BPIFC: variants seen among roughly 807,000 people sequenced by gnomAD.
BPIFC encodes the protein BPI fold containing family C.
In BPIFC, 60 loss-of-function variants were observed where a neutral mutation model predicts 57.6. The ratio of observed to expected loss-of-function variants is 1.04; its 90% CI spans 0.85 to 1.29. The LOEUF is 1.29. BPIFC is among the 50% of genes most tolerant of loss of function. The pLI, the probability that BPIFC is intolerant of heterozygous loss-of-function variation, is 0.00. For missense variants in BPIFC, 581 were observed against 600.5 expected, an observed-to-expected ratio of 0.97 and a Z score of 0.34; for synonymous variants, 243 against 224.5, an observed-to-expected ratio of 1.08 and a Z score of -0.74.
chr22:32,422,081 C>T (rs1435149495), intron 13 of BPIFC, among the ~76,000 whole-genome samples: 2 of 152,170 alleles, frequency 1.3e-5, no homozygotes, highest in Non-Finnish European at 2.9e-5. Flanking sequence ...ATTGACTAGG[C>T]TCAGTGCCTC....
intron 2 of BPIFC, among the ~76,000 whole-genome samples, chr22:32,459,917 G>A (rs1935128732): frequency 6.6e-6 from 1 of 151,886 alleles, no homozygotes; most frequent in Non-Finnish European, 1.5e-5. Flanking sequence ...TAGAGGGAGG[G>A]GTCAGGCCAG....
chr22:32,462,168 C>CAAAAAAAAAA (rs35716277), intron 1 of BPIFC, among the ~76,000 whole-genome samples: 26 of 53,578 alleles, frequency 4.9e-4, no homozygotes, highest in Admixed American at 9.2e-4. Context: ...GACTCCATCT[C>CAAAAAAAAAA]AAAAAAAAAA....
intron 10 of BPIFC, among the ~76,000 whole-genome samples, chr22:32,435,389 G>T (rs1934359520): frequency 6.6e-6 from 1 of 152,128 alleles, no homozygotes; most frequent in South Asian, 2.1e-4. Flanking sequence ...CAACGGAAAT[G>T]CTTATTGGAG....
intron 8 of BPIFC, among the ~76,000 whole-genome samples, chr22:32,439,410 C>T (rs899064971): frequency 5.3e-5 from 8 of 152,042 alleles, no homozygotes; most frequent in Non-Finnish European, 1.0e-4. Flanking sequence ...GTTTCCCACT[C>T]GGCTTTGGAG....
intron 13 of BPIFC, among the ~76,000 whole-genome samples, chr22:32,421,627 G>A (rs916599343): frequency 5.9e-5 from 9 of 152,118 alleles, no homozygotes; most frequent in Non-Finnish European, 1.3e-4. Flanking sequence ...GAGTACAGAG[G>A]TACTTAATGT....
At chr22:32,434,358 CT>C (rs1934334282) in intron 10 of BPIFC, among the ~76,000 whole-genome samples, 1 of 147,944 alleles carries the variant, frequency 6.8e-6, no homozygotes. Flanking sequence ...ATATTACAAT[CT>C]ATGTGTACAT....
At chr22:32,421,125 C>T (rs573429299) in intron 13 of BPIFC, among the ~76,000 whole-genome samples, 4 of 152,172 alleles carry the variant, frequency 2.6e-5, no homozygotes, top group East Asian at 1.9e-4. Flanking sequence ...TGAGTGACAG[C>T]GTGTCCTGTT....
At position 32,431,436 on chromosome 22, in the gene BPIFC, A is replaced by T; in HGVS notation, c.1150-22T>A. ...CAACCTATAGACAATAAAAGCATTT[A>T]TTATTAAGACGAGTGAGTGTCAATT... is the stretch of plus-strand genomic sequence containing the variant. On this transcript the variant is annotated intron_variant, in intron 12 of 16. Transcript: ENST00000300399. 7.9e-6 allele frequency: 12 copies of T among 1,511,250 alleles called. 1 individual carries two copies. The highest frequency in any genetic ancestry group is 1.1e-5 in the Non-Finnish European group (12 of 1,091,050). 93.6% of individuals were successfully genotyped at this position (1,511,250 alleles called of 1,614,324 possible).
In BPIFC at chr22:32,424,574, T is replaced by TTTCTTCTTCTTCTTCTTC. The variant is rs148930460; in HGVS notation, c.1218-5188_1218-5171dup. On this transcript the variant is annotated intron_variant, in intron 13 of 16. Coordinates refer to ENST00000300399, the MANE Select transcript of BPIFC (RefSeq NM_174932.3). The stretch of plus-strand genomic sequence containing the variant: ...TTCCTAAATCTTAAGTGTTATTTTC[T>TTTCTTCTTCTTCTTCTTC]TTCTTCTTCTTCTTCTTCTTCTTCT... Among the ~76,000 whole-genome samples, 234 of 68,972 alleles carry TTTCTTCTTCTTCTTCTTC rather than the reference T, an allele frequency of 3.4e-3. 44 individuals carry two copies. Among genetic ancestry groups the TTTCTTCTTCTTCTTCTTC allele is most frequent in the Middle Eastern group, 6.9e-3 (1 of 144 alleles). The allele number at this position is 68,972 out of a possible 152,430, so 45.2% of individuals were successfully genotyped here.
rs1175628096 is a variant in BPIFC, at chr22:32,414,089, A to C, written c.*214T>G. ...AACAAACATAAACACAGACACACGC[A>C]GCATGCATACACTCACATTCAGACA... On this transcript the variant is annotated 3_prime_UTR_variant, in exon 17 of 17. Transcript: ENST00000300399. The C allele has an allele frequency of 1.5e-5, 6 of 407,120 alleles. No homozygotes were observed. Among genetic ancestry groups the C allele is most frequent in the Non-Finnish European group, 2.2e-5 (5 of 231,368 alleles). 25.2% of individuals were successfully genotyped at this position (407,120 alleles called of 1,614,324 possible).
intron 7 of BPIFC, among the ~76,000 whole-genome samples, chr22:32,445,407 G>T (rs1263225564): frequency 1.3e-5 from 2 of 151,952 alleles, no homozygotes; most frequent in African/African-American, 2.4e-5. Context: ...CATGGTGGCG[G>T]GCACCTGTAG....
In BPIFC at chr22:32,445,712, T is replaced by TAAAA. The variant is rs752727430; in HGVS notation, c.531-15_531-14insTTTT. ...TTATACAGAACACTGAGGAAAAAAATGAAAAAAAAAAAAAAAAAAAAAAGA... is the reference window on the plus strand; with the variant it reads ...TTATACAGAACACTGAGGAAAAAAATAAAAGAAAAAAAAAAAAAAAAAAAAAAGA... On this transcript the variant is annotated splice_polypyrimidine_tract_variant and intron_variant, in intron 6 of 16. Transcript: ENST00000300399. The TAAAA allele has an allele frequency of 1.0e-4, 17 of 169,598 alleles. No homozygotes were observed. The highest frequency in any genetic ancestry group is 2.4e-4 in the Admixed American group (1 of 4,128). The allele number at this position is 169,598 out of a possible 1,614,324, so 10.5% of individuals were successfully genotyped here.
At chr22:32,461,801 T>C (rs897424533) in intron 1 of BPIFC, 140 bp from the exon 2 acceptor site, 1 of 201,212 alleles carries the variant, frequency 5.0e-6, no homozygotes, top group African/African-American at 2.4e-5. Flanking sequence ...AAAGCAGTCT[T>C]GCTAATATCA....
At chr22:32,419,445 C>A in intron 13 of BPIFC, 41 bp from the exon 14 acceptor site, 1 of 1,570,620 alleles carries the variant, frequency 6.4e-7, no homozygotes, top group East Asian at 2.2e-5. Flanking sequence ...TTGAAAACAA[C>A]AGCCTTAGTA....
chr22:32,457,701 C>T (rs1935073855), intron 2 of BPIFC, among the ~76,000 whole-genome samples: 1 of 152,116 alleles, frequency 6.6e-6, no homozygotes, highest in Non-Finnish European at 1.5e-5. Flanking sequence ...TACACATGGC[C>T]CCTGACCTAT....
chr22:32,450,090 GCATA>G (rs1257183461), intron 4 of BPIFC, among the ~76,000 whole-genome samples: 2 of 102,084 alleles, frequency 2.0e-5, no homozygotes, highest in East Asian at 2.9e-4. Flanking sequence ...GGGTCAAAGA[GCATA>G]CACACACACA....
At chr22:32,416,675 G>A (rs1023207821) in intron 15 of BPIFC, among the ~76,000 whole-genome samples, 14 of 152,316 alleles carry the variant, frequency 9.2e-5, no homozygotes, top group African/African-American at 3.1e-4. Context: ...GCAAGGAGAA[G>A]GCCCAGGATT....
chr22:32,416,368 C>G (rs1933678060), intron 15 of BPIFC, among the ~76,000 whole-genome samples: 1 of 152,174 alleles, frequency 6.6e-6, no homozygotes, highest in Non-Finnish European at 1.5e-5. Flanking sequence ...CAGGCGTGAG[C>G]CACTGAGCCC....
intron 13 of BPIFC, among the ~76,000 whole-genome samples, chr22:32,427,660 G>C (rs540857842): frequency 6.6e-6 from 1 of 152,154 alleles, no homozygotes; most frequent in South Asian, 2.1e-4. Flanking sequence ...CTCACCTTTG[G>C]TTCCTTCCCC....
Sources: gnomAD v4.1 joint callset for allele counts (sites outside exome capture counted in the v4.1 genomes callset) on GRCh38, gnomAD v4.1.1 for gene constraint, MANE v1.5 for transcripts, NCBI Gene and HGNC (gene_info 2026-07-23, HGNC 2026-07-21) for gene names.